KIAA1217: variants seen among roughly 807,000 people sequenced by gnomAD.
KIAA1217 encodes the protein sickle tail protein homolog.
Under a neutral mutation model 163.9 loss-of-function variants are expected in KIAA1217, and 88 were observed. That is an observed-to-expected ratio of 0.54 (90% confidence interval 0.45 to 0.64). The LOEUF is 0.64. KIAA1217 is among the 30% of genes least tolerant of loss of function. The pLI is 0.00. For missense variants in KIAA1217, 2,372 were observed against 2,475.0 expected (o/e 0.96, Z 0.88); for synonymous variants, 903 against 923.1 (o/e 0.98, Z 0.39).
At chr10:24,011,365 T>C (rs964542068) in intron 2 of KIAA1217, among the ~76,000 whole-genome samples, 1 of 152,072 alleles carries the variant, frequency 6.6e-6, no homozygotes, top group African/African-American at 2.4e-5. Flanking sequence ...TGCCTACCTG[T>C]AGTCCCAGCT....
intron 2 of KIAA1217, among the ~76,000 whole-genome samples, chr10:24,345,706 C>G (rs1008514201): frequency 6.6e-6 from 1 of 152,142 alleles, no homozygotes; most frequent in Non-Finnish European, 1.5e-5. Context: ...GTAGAGAAAC[C>G]TAGGCTAGGA....
intron 1 of KIAA1217, among the ~76,000 whole-genome samples, chr10:23,894,691 G>C (rs36131418): frequency 1.6e-4 from 22 of 139,630 alleles, no homozygotes; most frequent in African/African-American, 5.2e-4. Context: ...AAGTCAATCC[G>C]AAGCCAAAAG....
chr10:23,934,575 A>ATATATATATGTATATATATATATATG (rs1554826349), intron 1 of KIAA1217, among the ~76,000 whole-genome samples: 2 of 65,968 alleles, frequency 3.0e-5, no homozygotes, highest in East Asian at 2.9e-4. Context: ...ATATATATAT[A>ATATATATATGTATATATATATATATG]TATATATATA....
chr10:24,256,950 A>C (rs570572801), intron 2 of KIAA1217, among the ~76,000 whole-genome samples: 1 of 152,338 alleles, frequency 6.6e-6, no homozygotes, highest in East Asian at 1.9e-4. Flanking sequence ...CAGGAGAGAA[A>C]GAAGGCCCAG....
At chr10:24,122,142 A>C (rs2063305216) in intron 2 of KIAA1217, among the ~76,000 whole-genome samples, 1 of 151,936 alleles carries the variant, frequency 6.6e-6, no homozygotes, top group East Asian at 1.9e-4. Flanking sequence ...GGAAGTTTTC[A>C]GCCCTTCCCC....
At chr10:24,222,658 C>T (rs1470300170) in intron 2 of KIAA1217, among the ~76,000 whole-genome samples, 1 of 152,048 alleles carries the variant, frequency 6.6e-6, no homozygotes, top group Non-Finnish European at 1.5e-5. Context: ...TACAAGTATG[C>T]ACCACCACAC....
chr10:24,197,484 C>T (rs761946726), intron 2 of KIAA1217, among the ~76,000 whole-genome samples: 3 of 152,206 alleles, frequency 2.0e-5, no homozygotes, highest in Non-Finnish European at 2.9e-5. Flanking sequence ...TGGGTTGGGC[C>T]TATTTGTGGT....
chr10:23,937,930 C>A (rs533985249), intron 1 of KIAA1217, among the ~76,000 whole-genome samples: 39 of 152,182 alleles, frequency 2.6e-4, no homozygotes, highest in African/African-American at 9.4e-4. Flanking sequence ...GAGAGGGAAC[C>A]CAGTCAAAAC....
intron 2 of KIAA1217, among the ~76,000 whole-genome samples, chr10:24,319,565 G>T (rs2043865357): frequency 6.6e-6 from 1 of 152,158 alleles, no homozygotes; most frequent in African/African-American, 2.4e-5. Flanking sequence ...AGCTTGCATG[G>T]TTGGGGAGTT....
intron 1 of KIAA1217, among the ~76,000 whole-genome samples, chr10:23,912,490 T>G (rs756483873): frequency 6.6e-6 from 1 of 152,086 alleles, no homozygotes; most frequent in Non-Finnish European, 1.5e-5. Context: ...CCTCTCCTAC[T>G]TTTTCCCCTT....
At chr10:24,118,255 A>G (rs1346619302) in intron 2 of KIAA1217, among the ~76,000 whole-genome samples, 1 of 152,102 alleles carries the variant, frequency 6.6e-6, no homozygotes, top group Non-Finnish European at 1.5e-5. Context: ...TGTGGTTGCA[A>G]TAGGGGTGAT....
At chr10:23,928,897 G>A (rs1259861590) in intron 1 of KIAA1217, among the ~76,000 whole-genome samples, 1 of 152,180 alleles carries the variant, frequency 6.6e-6, no homozygotes, top group Non-Finnish European at 1.5e-5. Context: ...GTCTCAGAAG[G>A]CCCCTCTGTC....
intron 2 of KIAA1217, among the ~76,000 whole-genome samples, chr10:24,134,677 G>A (rs747080349): frequency 5.9e-5 from 9 of 152,088 alleles, no homozygotes; most frequent in Non-Finnish European, 1.2e-4. Flanking sequence ...GGGCTCAAGC[G>A]ATCCTCCTAT....
rs1409004077 is a variant in KIAA1217 at position 24,400,958 on chromosome 10, A to AACACACAC, written c.553+19894_553+19895insCACACACA. Reference sequence around the variant, plus strand: ...AAATAACACAAAATTCCAAGCAAGAAACATACACACACACACACACACACA... The same window carrying AACACACAC: ...AAATAACACAAAATTCCAAGCAAGAAACACACACACATACACACACACACACACACACA... On this transcript the variant is annotated intron_variant, in intron 3 of 20. Transcript: ENST00000376454. Among the ~76,000 whole-genome samples the AACACACAC allele has an allele frequency of 6.3e-3, 567 of 89,836 alleles. 3 individuals carry two copies. The African/African-American group carries it at 0.068, about 11-fold the overall frequency. 58.9% of individuals were successfully genotyped at this position (89,836 alleles called of 152,430 possible). A position where few individuals can be genotyped will look rare whatever the true frequency, so the allele number is the denominator to read the frequency against.
At chr10:24,142,056 TTAA>T (rs1477624916) in intron 2 of KIAA1217, among the ~76,000 whole-genome samples, 3 of 147,618 alleles carry the variant, frequency 2.0e-5, no homozygotes, top group Non-Finnish European at 3.0e-5. Flanking sequence ...TTTTTAAATG[TTAA>T]TGAGATTTTT....
At chr10:24,154,939 A>C (rs925825779) in intron 2 of KIAA1217, among the ~76,000 whole-genome samples, 1 of 151,854 alleles carries the variant, frequency 6.6e-6, no homozygotes, top group African/African-American at 2.4e-5. Context: ...AAAAAAAAAA[A>C]AAAAGGAAAG....
Position 24,528,124 on chromosome 10 carries a change from G to A in KIAA1217, c.3082+5G>A, listed in dbSNP as rs1268111849. Reference sequence around the variant, plus strand: ...TGGACAAGGTGGAACTTTCAGGTAAGTTCCGGTCCCACAGCAGGAATATAT... The same window carrying A: ...TGGACAAGGTGGAACTTTCAGGTAAATTCCGGTCCCACAGCAGGAATATAT... On this transcript the variant is annotated splice_donor_5th_base_variant and intron_variant, in intron 14 of 20. Transcript: ENST00000376454. 5.0e-6 allele frequency: 8 copies of A among 1,613,536 alleles called. No individual in the cohort carries two copies. The highest frequency in any genetic ancestry group is 5.9e-6 in the Non-Finnish European group (7 of 1,179,682).
At chr10:24,014,385 A>T (rs1346671038) in intron 2 of KIAA1217, among the ~76,000 whole-genome samples, 1 of 152,198 alleles carries the variant, frequency 6.6e-6, no homozygotes, top group East Asian at 1.9e-4. Flanking sequence ...TTACAATTTG[A>T]AATAAACAAA....
intron 6 of KIAA1217, among the ~76,000 whole-genome samples, chr10:24,478,452 G>T (rs1448825399): frequency 6.6e-6 from 1 of 152,156 alleles, no homozygotes; most frequent in Non-Finnish European, 1.5e-5. Flanking sequence ...AGTGTCTATG[G>T]TATAACATTC....
Sources: gnomAD v4.1 joint callset for allele counts (sites outside exome capture counted in the v4.1 genomes callset) on GRCh38, gnomAD v4.1.1 for gene constraint, MANE v1.5 for transcripts, NCBI Gene and HGNC (gene_info 2026-07-23, HGNC 2026-07-21) for gene names.